Variants in PDZD2 observed in about 807,000 individuals in gnomAD.
PDZD2 encodes the protein PDZ domain-containing protein 2.
Under a neutral mutation model 220.7 loss-of-function variants are expected in PDZD2, and 90 were observed. The observed-to-expected ratio is 0.41, with a 90% CI of 0.34 to 0.49. The LOEUF (loss-of-function observed/expected upper bound fraction) is 0.49. Ranked by LOEUF, PDZD2 falls within the 20% of genes least tolerant of loss-of-function variation. The pLI is 0.28. For missense variants in PDZD2, 3,174 were observed against 3,608.5 expected, an observed-to-expected ratio of 0.88 and a Z score of 3.08; for synonymous variants, 1,375 against 1,450.5, an observed-to-expected ratio of 0.95 and a Z score of 1.18.
At chr5:32,051,998 G>A (rs911713479) in intron 8 of PDZD2, among the ~76,000 whole-genome samples, 2 of 152,272 alleles carry the variant, frequency 1.3e-5, no homozygotes, top group East Asian at 1.9e-4. Context: ...GTATCACTGA[G>A]GCCTCTTGTT....
intron 6 of PDZD2, among the ~76,000 whole-genome samples, chr5:32,033,623 CTT>C (rs72293245): frequency 0.5 from 73,696 of 146,882 alleles, 20,039 homozygotes; most frequent in Non-Finnish European, 0.62. Flanking sequence ...CACCATCTCT[CTT>C]TTTTTTTTTT....
At position 32,060,248 on chromosome 5, in the gene PDZD2, C is replaced by A. The variant is rs543114705; in HGVS notation, c.2319-754C>A. The stretch of plus-strand genomic sequence containing the variant: ...ACTTTTAGAACCCAAGGAAAAAAAT[C>A]CTTTAATGACATCCCAAGATGATGT... On this transcript the variant is annotated intron_variant, in intron 13 of 24. Coordinates refer to ENST00000438447, the MANE Select transcript of PDZD2 (RefSeq NM_178140.4). Among the ~76,000 whole-genome samples, 8 of 152,212 alleles carry A rather than the reference C, an allele frequency of 5.3e-5. No homozygotes were observed. The South Asian group carries it at 1.7e-3, about 32-fold the overall frequency.
intron 2 of PDZD2, among the ~76,000 whole-genome samples, chr5:31,909,467 T>A (rs989493243): frequency 6.6e-6 from 1 of 152,146 alleles, no homozygotes; most frequent in Non-Finnish European, 1.5e-5. Flanking sequence ...TGCTTTTTGA[T>A]AACAGTTTGA....
rs1470240640 is a variant in PDZD2 at position 32,020,587 on chromosome 5, CACTT to C, written c.1407+10107_1407+10110del. On this transcript the variant is annotated intron_variant, in intron 6 of 24. Transcript: ENST00000438447. ...ACTCTTAAGAGGAACAGGAGATCCTCACTTAGTTTCAGTTTCAGTTATTGTGCTG... is the reference window on the plus strand; with the variant it reads ...ACTCTTAAGAGGAACAGGAGATCCTCAGTTTCAGTTTCAGTTATTGTGCTG... 3.9e-5 allele frequency among the ~76,000 whole-genome samples: 6 copies of C among 151,978 alleles called. No individual in the cohort carries two copies. The East Asian group carries it at 5.8e-4, about 15-fold the overall frequency.
chr5:31,853,558 G>T (rs181354838), intron 2 of PDZD2, among the ~76,000 whole-genome samples: 2 of 152,302 alleles, frequency 1.3e-5, no homozygotes, highest in Admixed American at 6.5e-5. Flanking sequence ...CTGAGAGTGG[G>T]CAGATTTCCA....
At position 31,871,646 on chromosome 5, in the gene PDZD2, G is replaced by T. The variant is rs113176115; in HGVS notation, c.476+71922G>T. ...TTGTATTTTTAGTAGACTGGGTTTCGCCATGTTGGCCAGGCTGGTCTTGAA... is the reference window on the plus strand; with the variant it reads ...TTGTATTTTTAGTAGACTGGGTTTCTCCATGTTGGCCAGGCTGGTCTTGAA... On this transcript the variant is annotated intron_variant, in intron 2 of 24. Coordinates refer to ENST00000438447, the MANE Select transcript of PDZD2 (RefSeq NM_178140.4). Among the ~76,000 whole-genome samples, 397 of 151,508 alleles carry T rather than the reference G, an allele frequency of 2.6e-3. 2 individuals are homozygous for T. Among genetic ancestry groups the T allele is most frequent in the African/African-American group, 9.4e-3 (390 of 41,292 alleles).
At chr5:32,058,266 A>T (rs890698183) in intron 12 of PDZD2, among the ~76,000 whole-genome samples, 163 bp downstream of exon 12, 7 of 151,580 alleles carry the variant, frequency 4.6e-5, no homozygotes, top group Non-Finnish European at 7.4e-5. Context: ...AGGTAGAGAG[A>T]TGTTAGTCAC....
chr5:31,995,473 G>T, intron 3 of PDZD2, 103 bp from the exon 4 acceptor site: 3 of 1,180,216 alleles, frequency 2.5e-6, no homozygotes, highest in Non-Finnish European at 3.8e-6. Context: ...GATATCTGTG[G>T]ACAAGTGATG....
rs1051479616 is a variant in PDZD2, at chr5:32,083,479, C to T, written c.3683-3652C>T. 1.3e-5 allele frequency: 2 copies of T among 152,142 alleles called. No homozygotes were observed. Among genetic ancestry groups the T allele is most frequent in the Non-Finnish European group, 2.9e-5 (2 of 68,030 alleles). 9.4% of individuals were successfully genotyped at this position (152,142 alleles called of 1,614,324 possible). On this transcript the variant is annotated intron_variant, in intron 19 of 24. Transcript: ENST00000438447. The surrounding 1 kb of genome is among the most constrained non-coding windows in gnomAD (Gnocchi z 4.1). Reference sequence around the variant, plus strand: ...CTTCCACCCCACGGATGTGCTGTAACGAGTCAACCTTCCTCCCATGATTGG... The same window carrying T: ...CTTCCACCCCACGGATGTGCTGTAATGAGTCAACCTTCCTCCCATGATTGG...
At chr5:31,840,396 T>TTATATATA (rs748170414) in intron 2 of PDZD2, 3 of 19,292 alleles carry the variant, frequency 1.6e-4, no homozygotes, top group Non-Finnish European at 2.4e-4. Flanking sequence ...GTCATTTTCA[T>TTATATATA]TATATATATA....
intron 1 of PDZD2, among the ~76,000 whole-genome samples, chr5:31,762,026 G>A (rs1751688879): frequency 6.6e-6 from 1 of 152,108 alleles, no homozygotes. Flanking sequence ...TGGGGAAGGT[G>A]CCACACACTT....
intron 24 of PDZD2, 137 bp downstream of exon 24, chr5:32,101,376 TCTG>T: frequency 1.2e-5 from 10 of 811,376 alleles, no homozygotes; most frequent in East Asian, 2.7e-5. Context: ...CAAGGTTTAT[TCTG>T]TATGGACATG....
At chr5:31,924,317 G>A (rs555186801) in intron 2 of PDZD2, among the ~76,000 whole-genome samples, 1 of 152,326 alleles carries the variant, frequency 6.6e-6, no homozygotes, top group Admixed American at 6.5e-5. Context: ...CAATTAGGTG[G>A]ACTGTGCTAG....
At chr5:31,904,596 C>A (rs113651649) in intron 2 of PDZD2, among the ~76,000 whole-genome samples, 3 of 151,720 alleles carry the variant, frequency 2.0e-5, no homozygotes, top group African/African-American at 7.3e-5. Context: ...GGCACGATCT[C>A]GGCTCACTGC....
intron 2 of PDZD2, among the ~76,000 whole-genome samples, chr5:31,901,261 T>A (rs1288402749): frequency 6.6e-6 from 1 of 151,812 alleles, no homozygotes; most frequent in African/African-American, 2.4e-5. Flanking sequence ...CTACTAAAAA[T>A]ACAAAAATTA....
intron 1 of PDZD2, among the ~76,000 whole-genome samples, chr5:31,707,112 T>C (rs1747860862): frequency 2.3e-5 from 3 of 128,280 alleles, no homozygotes; most frequent in Admixed American, 9.6e-5. Context: ...ATGAGAACAC[T>C]TGGACACAGG....
Position 32,031,775 on chromosome 5 carries a change from G to A in PDZD2, c.1408-5456G>A, listed in dbSNP as rs546224382. The stretch of plus-strand genomic sequence containing the variant: ...TATGATACACATTAGGTACTCCACA[G>A]TGAATTTCTTTTTAACCCTCATGAT... On this transcript the variant is annotated intron_variant, in intron 6 of 24. Transcript: ENST00000438447. 2.6e-5 allele frequency among the ~76,000 whole-genome samples: 4 copies of A among 152,282 alleles called. No homozygotes were observed. In the South Asian group the frequency reaches 8.3e-4, roughly 32 times the overall value.
chr5:31,780,249 G>T (rs545721191), intron 1 of PDZD2, among the ~76,000 whole-genome samples: 28 of 152,188 alleles, frequency 1.8e-4, no homozygotes, highest in Admixed American at 3.3e-4. Context: ...AGAGTGGGGT[G>T]GGGGGTGGAG....
chr5:31,712,681 C>T (rs974596821), intron 1 of PDZD2, among the ~76,000 whole-genome samples: 1 of 152,162 alleles, frequency 6.6e-6, no homozygotes, highest in African/African-American at 2.4e-5. Context: ...ATTGGCCGAG[C>T]AGTCACAGAG....
Sources: allele counts gnomAD v4.1 joint callset (sites outside exome capture counted in the v4.1 genomes callset), GRCh38; gene constraint gnomAD v4.1.1; non-coding constraint Gnocchi (gnomAD v3.1); transcripts MANE v1.5; gene names NCBI Gene and HGNC (gene_info 2026-07-23, HGNC 2026-07-21).